NOL10: variants seen among roughly 807,000 people sequenced by gnomAD.
The protein encoded by NOL10 is H_NH0074G24.1.
NOL10 carries 58 observed loss-of-function variants against 103.5 expected under a neutral mutation model. The observed-to-expected ratio is 0.56, with a 90% CI of 0.45 to 0.70. NOL10 has a LOEUF of 0.70. NOL10 is among the 30% of genes least tolerant of loss of function. The pLI, the probability that NOL10 is intolerant of heterozygous loss-of-function variation, is 0.00. For missense variants in NOL10, 763 were observed against 807.3 expected (o/e 0.95, Z 0.67); for synonymous variants, 287 against 282.5 (o/e 1.02, Z -0.16).
rs150585802 is a variant in NOL10, at chr2:10,623,476, T to C, written c.1027-16165A>G. 3.7e-4 allele frequency among the ~76,000 whole-genome samples: 57 copies of C among 152,314 alleles called. No homozygotes were observed. In the East Asian group the frequency reaches 9.7e-3, roughly 26 times the overall value. On this transcript the variant is annotated intron_variant, in intron 13 of 20. Coordinates refer to ENST00000381685, the MANE Select transcript of NOL10 (RefSeq NM_024894.4). ...CGAAATTTGAATGAAACATTACTTATGGGAAAGTGACTTTCTTACCTCTTG... is the reference window on the plus strand; with the variant it reads ...CGAAATTTGAATGAAACATTACTTACGGGAAAGTGACTTTCTTACCTCTTG...
At chr2:10,637,488 C>T (rs1304421748) in intron 13 of NOL10, among the ~76,000 whole-genome samples, 2 of 152,156 alleles carry the variant, frequency 1.3e-5, no homozygotes, top group Admixed American at 6.5e-5. Context: ...CTGCCCTAGC[C>T]CAGTGACTGA....
rs558064801 is a variant in NOL10, at chr2:10,588,960, T to C, written c.1844+83A>G. On this transcript the variant is annotated intron_variant, in intron 19 of 20. Coordinates refer to ENST00000381685, the MANE Select transcript of NOL10 (RefSeq NM_024894.4). Reference sequence around the variant, plus strand: ...CACCTCCATCATCCAAAGACAGAAATGTCATCTTTAGGGCAATGTGCCAGA... The same window carrying C: ...CACCTCCATCATCCAAAGACAGAAACGTCATCTTTAGGGCAATGTGCCAGA... The C allele has an allele frequency of 7.8e-5, 121 of 1,548,322 alleles. 1 individual carries two copies. The highest frequency in any genetic ancestry group is 8.1e-5 in the Non-Finnish European group (93 of 1,149,446).
rs950136047 is a variant in NOL10 at position 10,588,988 on chromosome 2, G to A, written c.1844+55C>T. 1.4e-4 allele frequency: 220 copies of A among 1,593,944 alleles called. 2 individuals carry two copies. The African/African-American group carries it at 2.8e-3, about 21-fold the overall frequency. ...CATCTTTAGGGCAATGTGCCAGAGA[G>A]GAAAAGCAAGGGCTTGGTTACATGT... On this transcript the variant is annotated intron_variant, in intron 19 of 20. Coordinates refer to ENST00000381685, the MANE Select transcript of NOL10 (RefSeq NM_024894.4).
At position 10,587,058 on chromosome 2, in the gene NOL10, TATATATATACATATATATAC is replaced by T. The variant is rs1368822993; in HGVS notation, c.1844+1965_1844+1984del. On this transcript the variant is annotated intron_variant, in intron 19 of 20. Coordinates refer to ENST00000381685, the MANE Select transcript of NOL10 (RefSeq NM_024894.4). ...AAAGTTAAATGTATATATATATACA[TATATATATACATATATATAC>T]ATATATATACATATATATACACATA... 9.7e-5 allele frequency among the ~76,000 whole-genome samples: 4 copies of T among 41,310 alleles called. 1 individual carries two copies. Among genetic ancestry groups the T allele is most frequent in the South Asian group, 4.1e-4 (1 of 2,468 alleles). The allele number at this position is 41,310 out of a possible 152,430, so 27.1% of individuals were successfully genotyped here.
intron 13 of NOL10, among the ~76,000 whole-genome samples, chr2:10,624,831 G>C (rs138511881): frequency 7.9e-5 from 12 of 152,268 alleles, no homozygotes; most frequent in Non-Finnish European, 1.6e-4. Context: ...AGAATGTTTA[G>C]AGCGGCTTTA....
At chr2:10,638,353 G>A (rs1678441497) in intron 13 of NOL10, among the ~76,000 whole-genome samples, 1 of 149,912 alleles carries the variant, frequency 6.7e-6, no homozygotes, top group Admixed American at 6.6e-5. Context: ...GTAACGTAAC[G>A]TAACGTAACA....
At chr2:10,587,206 C>CATATATATACAA (rs1558270657) in intron 19 of NOL10, among the ~76,000 whole-genome samples, 1 of 32,410 alleles carries the variant, frequency 3.1e-5, no homozygotes, top group African/African-American at 2.7e-4. Flanking sequence ...TATATATACA[C>CATATATATACAA]ATATATATAT....
chr2:10,627,042 G>A (rs1363676518), intron 13 of NOL10, among the ~76,000 whole-genome samples: 1 of 152,172 alleles, frequency 6.6e-6, no homozygotes, highest in African/African-American at 2.4e-5. Context: ...ATCCTTTGTT[G>A]AGAAAAAGGC....
intron 12 of NOL10, among the ~76,000 whole-genome samples, chr2:10,654,033 T>C (rs1452202641): frequency 2.0e-5 from 3 of 152,248 alleles, no homozygotes; most frequent in African/African-American, 4.8e-5. Context: ...TGTAAATTGC[T>C]GAATAGCATA....
chr2:10,687,836 C>T (rs1013895418), intron 1 of NOL10, among the ~76,000 whole-genome samples: 1 of 152,108 alleles, frequency 6.6e-6, no homozygotes, highest in East Asian at 1.9e-4. Flanking sequence ...GCCTGTAGTC[C>T]CAGCTACTGG....
intron 19 of NOL10, among the ~76,000 whole-genome samples, chr2:10,584,550 A>G (rs780235248): frequency 6.6e-5 from 10 of 152,202 alleles, no homozygotes; most frequent in Admixed American, 4.6e-4. Flanking sequence ...ACATTTAAAT[A>G]TAACACATTC....
intron 4 of NOL10, among the ~76,000 whole-genome samples, chr2:10,674,018 T>C (rs975100622): frequency 4.0e-5 from 6 of 150,698 alleles, no homozygotes; most frequent in South Asian, 2.1e-4. Context: ...TAAACAAAGA[T>C]ATAGTAAGAC....
chr2:10,575,302 A>C (rs1674398050), intron 20 of NOL10, among the ~76,000 whole-genome samples: 1 of 152,254 alleles, frequency 6.6e-6, no homozygotes, highest in Non-Finnish European at 1.5e-5. Context: ...TTTAGGAGGT[A>C]CATATGCAAA....
At chr2:10,591,255 A>C (rs899262784) in intron 17 of NOL10, among the ~76,000 whole-genome samples, 1 of 152,210 alleles carries the variant, frequency 6.6e-6, no homozygotes, top group African/African-American at 2.4e-5. Context: ...CTAGTAAGGA[A>C]GAAAAAACAC....
chr2:10,654,486 T>C lies in NOL10; in HGVS notation c.968A>G (p.Asn323Ser). The change falls in exon 12 of 21, where the codon AAC becomes AGC. Residue 323 changes from asparagine (N) to serine (S), a missense_variant. Asn to Ser is a conservative substitution (Grantham distance 46). Transcript: ENST00000381685. ...GTTCACTACAGAATGCATACCTGAG[T>C]TGGGGTAGAGACAAACATCATTAAG... The part of the protein sequence containing the change: ...HDLNDVCLYP[N>S]SGMLLTANET... The C allele has an allele frequency of 1.3e-6, 2 of 1,596,622 alleles. No individual in the cohort carries two copies. The highest frequency in any genetic ancestry group is 1.1e-5 in the South Asian group (1 of 87,440).
chr2:10,611,121 T>C (rs1318416822), intron 13 of NOL10, among the ~76,000 whole-genome samples: 3 of 152,190 alleles, frequency 2.0e-5, no homozygotes, highest in African/African-American at 7.2e-5. Flanking sequence ...AGGTCAGTAT[T>C]AATAAAAGTA....
At chr2:10,662,748 A>G (rs1680289529) in intron 9 of NOL10, among the ~76,000 whole-genome samples, 1 of 152,198 alleles carries the variant, frequency 6.6e-6, no homozygotes, top group Non-Finnish European at 1.5e-5. Flanking sequence ...TACAGCAACT[A>G]AAGAAATAAG....
intron 8 of NOL10, among the ~76,000 whole-genome samples, chr2:10,663,563 G>A (rs182256336): frequency 6.6e-6 from 1 of 151,998 alleles, no homozygotes; most frequent in Non-Finnish European, 1.5e-5. Flanking sequence ...CATTTTTATG[G>A]GAAAAGAAAA....
rs1418290971 is a variant in NOL10 at position 10,602,906 on chromosome 2, AAG to A, written c.1234-34_1234-33del. On this transcript the variant is annotated intron_variant, in intron 15 of 20. Transcript: ENST00000381685. ...AAAATGAAAAAAGTTTTTAAAATAA[AAG>A]AATGGTATTTGGTAATATCATTTTC... The A allele has an allele frequency of 1.1e-5, 16 of 1,481,578 alleles. No individual in the cohort carries two copies. The African/African-American group carries it at 2.1e-4, about 19-fold the overall frequency. 91.8% of individuals were successfully genotyped at this position (1,481,578 alleles called of 1,614,324 possible). A position where few individuals can be genotyped will look rare whatever the true frequency, so the allele number is the denominator to read the frequency against.
Sources: allele counts gnomAD v4.1 joint callset (sites outside exome capture counted in the v4.1 genomes callset), GRCh38; gene constraint gnomAD v4.1.1; transcripts MANE v1.5; gene names NCBI Gene and HGNC (gene_info 2026-07-23, HGNC 2026-07-21).